Variants in SLC8A2 observed in about 807,000 individuals in gnomAD.
SLC8A2 encodes solute carrier family 8 member A2, also known as sodium/calcium exchanger 2.
A neutral mutation model predicts 70.2 loss-of-function variants in SLC8A2; 14 were observed. The observed-to-expected ratio is 0.20, with a 90% CI of 0.13 to 0.31. The LOEUF is 0.31. Ranked by LOEUF, SLC8A2 falls within the 10% of genes least tolerant of loss-of-function variation. SLC8A2 has a pLI of 1.00. For missense variants in SLC8A2, 779 were observed against 1,320.1 expected (o/e 0.59, Z 6.35); for synonymous variants, 575 against 594.3 (o/e 0.97, Z 0.47).
chr19:47,430,301 T>C lies in SLC8A2; in HGVS notation c.2554A>G (p.Thr852Ala). The change falls in exon 10 of 10, where the codon ACT becomes GCT. Residue 852 changes from threonine to alanine, a missense_variant. Thr to Ala is a moderately conservative substitution (Grantham distance 58). Coordinates refer to ENST00000236877, the MANE Select transcript of SLC8A2 (RefSeq NM_015063.3). This position sits in a 1 kb window ranked among gnomAD's most constrained non-coding sequence, Gnocchi z 5.9. ...AVQGRPFEVRTGTLAFSVTLF... is the reference protein window; with the variant it reads ...AVQGRPFEVRAGTLAFSVTLF... ...GTGACGGAGAAGGCCAGCGTGCCAG[T>C]GCGCACCTCGAAGGGGCGGCCCTGC... is the stretch of plus-strand genomic sequence containing the variant. The C allele has an allele frequency of 2.5e-6, 4 of 1,612,474 alleles. No homozygotes were observed. Among genetic ancestry groups the C allele is most frequent in the Non-Finnish European group, 2.5e-6 (3 of 1,179,350 alleles).
At position 47,468,106 on chromosome 19, in the gene SLC8A2, C is replaced by A. The variant is rs1401952792; in HGVS notation, c.-16-1687G>T. Among the ~76,000 whole-genome samples the A allele has an allele frequency of 6.6e-6, 1 of 152,036 alleles. No homozygotes were observed. Among genetic ancestry groups the A allele is most frequent in the East Asian group, 1.9e-4 (1 of 5,152 alleles). The stretch of plus-strand genomic sequence containing the variant: ...GCTCCCATCTCACTCACAGCACCAG[C>A]GTCCTCTCCAGGGCCCGTGAGGTCC... On this transcript the variant is annotated intron_variant, in intron 1 of 9. Coordinates refer to ENST00000236877, the MANE Select transcript of SLC8A2 (RefSeq NM_015063.3). This position sits in a 1 kb window ranked among gnomAD's most constrained non-coding sequence, Gnocchi z 5.1.
chr19:47,461,691 G>C (rs537614213), intron 2 of SLC8A2, among the ~76,000 whole-genome samples: 1 of 152,234 alleles, frequency 6.6e-6, no homozygotes, highest in African/African-American at 2.4e-5. Context: ...AATGTTCAGC[G>C]CAAGCTGTGA....
Position 47,430,233 on chromosome 19 carries a change from C to T in SLC8A2, c.2622G>A (p.Leu874=), listed in dbSNP as rs562585358. The T allele has an allele frequency of 6.2e-7, 1 of 1,610,892 alleles. No individual in the cohort carries two copies. ...CGCCGATGTGCGGCCGGCGCCGGTA[C>T]AGCAGCACGGCAATGCCCACGAAGG... ...VFAFVGIAVL[L]YRRRPHIGGE... Residue 874 remains leucine (L), a synonymous_variant, in exon 10 of 10, where the codon CTG becomes CTA. Transcript: ENST00000236877. This position sits in a 1 kb window ranked among gnomAD's most constrained non-coding sequence, Gnocchi z 5.9.
intron 2 of SLC8A2, among the ~76,000 whole-genome samples, chr19:47,460,734 C>T (rs189502587): frequency 3.6e-4 from 54 of 151,560 alleles, no homozygotes; most frequent in African/African-American, 1.0e-3. Flanking sequence ...AAAAGAACAT[C>T]GCCATCGTTA....
intron 4 of SLC8A2, among the ~76,000 whole-genome samples, chr19:47,443,906 C>T (rs1412328759): frequency 1.3e-5 from 2 of 152,022 alleles, no homozygotes; most frequent in Non-Finnish European, 2.9e-5. Context: ...TCTGCTCTCC[C>T]TTTTTTTGAA....
rs1014796877 is a variant in SLC8A2 at position 47,468,442 on chromosome 19, G to A, written c.-16-2023C>T. On this transcript the variant is annotated intron_variant, in intron 1 of 9. Coordinates refer to ENST00000236877, the MANE Select transcript of SLC8A2 (RefSeq NM_015063.3). The surrounding 1 kb of genome is among the most constrained non-coding windows in gnomAD (Gnocchi z 5.1). ...CTCCCAAGTAGCGGGAAGTACAGGC[G>A]TGCGCCACCATGCCCAGCTAATTTA... Among the ~76,000 whole-genome samples, 21 of 152,144 alleles carry A rather than the reference G, an allele frequency of 1.4e-4. No individual in the cohort carries two copies. Among genetic ancestry groups the A allele is most frequent in the Non-Finnish European group, 4.4e-5 (3 of 68,018 alleles).
chr19:47,430,333 C>G lies in SLC8A2; in HGVS notation c.2522G>C (p.Trp841Ser). ...CTCGAAGGGGCGGCCCTGCACCGCC[C>G]AGTACACGGCGGCCACAGACCAGGC... ...GVAWSVAAVY[W>S]AVQGRPFEVR... is the part of the protein sequence containing the mutation. Residue 841 changes from tryptophan to serine, a missense_variant, in exon 10 of 10, where the codon TGG (tryptophan) becomes TCG (serine). Physicochemically the swap from Trp to Ser is radical, Grantham distance 177. Transcript: ENST00000236877. The surrounding 1 kb of genome is among the most constrained non-coding windows in gnomAD (Gnocchi z 5.9). The G allele has an allele frequency of 6.2e-7, 1 of 1,612,312 alleles. No individual in the cohort carries two copies. The highest frequency in any genetic ancestry group is 2.2e-5 in the East Asian group (1 of 44,826).
At chr19:47,440,661 G>A (rs950733482) in intron 6 of SLC8A2, among the ~76,000 whole-genome samples, 2 of 151,886 alleles carry the variant, frequency 1.3e-5, no homozygotes, top group African/African-American at 4.8e-5. Flanking sequence ...GCGCGATCTC[G>A]GCTCACCGCA....
At chr19:47,445,599 C>G (rs1967151211) in intron 4 of SLC8A2, among the ~76,000 whole-genome samples, 1 of 152,188 alleles carries the variant, frequency 6.6e-6, no homozygotes. Flanking sequence ...CAAAGCGCCT[C>G]TAATTAGTGC....
chr19:47,430,189 CGCGGGCCGCCCA>C lies in SLC8A2; in HGVS notation c.2654_2665del (p.Leu885_Pro888del). ...CGCGGTGGTGGCGAGCTTGGGTCCG[CGCGGGCCGCCCA>C]GCTCGCCGCCGATGTGCGGCCGGCG... On this transcript the variant is annotated inframe_deletion, in exon 10 of 10. Transcript: ENST00000236877. The surrounding 1 kb of genome is among the most constrained non-coding windows in gnomAD (Gnocchi z 5.9). The C allele has an allele frequency of 6.2e-7, 1 of 1,601,124 alleles. No individual in the cohort carries two copies. Among genetic ancestry groups the C allele is most frequent in the East Asian group, 2.3e-5 (1 of 44,232 alleles).
chr19:47,428,937 A>G lies in SLC8A2; in HGVS notation c.*1152T>C, dbSNP rs1410755795. ...AACAGTAAGAAAATGCAGATGGCCTACCGACAGATGGAAGGCCTCCAAAGT... is the reference window on the plus strand; with the variant it reads ...AACAGTAAGAAAATGCAGATGGCCTGCCGACAGATGGAAGGCCTCCAAAGT... On this transcript the variant is annotated 3_prime_UTR_variant, in exon 10 of 10. Coordinates refer to ENST00000236877, the MANE Select transcript of SLC8A2 (RefSeq NM_015063.3). 1 of 152,454 alleles carries G rather than the reference A, an allele frequency of 6.6e-6. No homozygotes were observed. The highest frequency in any genetic ancestry group is 1.5e-5 in the Non-Finnish European group (1 of 68,022). The allele number at this position is 152,454 out of a possible 1,614,324, so 9.4% of individuals were successfully genotyped here. A position where few individuals can be genotyped will look rare whatever the true frequency, so the allele number is the denominator to read the frequency against.
chr19:47,434,546 G>C (rs830153), intron 8 of SLC8A2, among the ~76,000 whole-genome samples: 3 of 152,080 alleles, frequency 2.0e-5, no homozygotes, highest in Admixed American at 1.3e-4. Flanking sequence ...TGCTGTCAAC[G>C]GTCTCGGACA....
Position 47,466,271 on chromosome 19 carries a change from C to T in SLC8A2, c.133G>A (p.Gly45Arg), listed in dbSNP as rs1158838372. 6.4e-7 allele frequency: 1 copy of T among 1,567,426 alleles called. No individual in the cohort carries two copies. The highest frequency in any genetic ancestry group is 8.7e-7 in the Non-Finnish European group (1 of 1,154,670). ...ACCCCCGGCTGGCAGCGGTAGGACC[C>T]CTGGCAGCCCCCTGTGCTGGTGTCG... ...DSDTSTGGCQ[G>R]SYRCQPGVLL... The change falls in exon 2 of 10, where the codon GGG becomes AGG. Residue 45 changes from glycine to arginine, a missense_variant. Gly to Arg is a moderately radical substitution (Grantham distance 125). Around this residue, in one of 6 missense-constraint regions of SLC8A2, gnomAD observed 155 missense variants for 318.6 expected, o/e 0.49. Coordinates refer to ENST00000236877, the MANE Select transcript of SLC8A2 (RefSeq NM_015063.3). The surrounding 1 kb of genome is among the most constrained non-coding windows in gnomAD (Gnocchi z 6.9).
chr19:47,456,490 C>T (rs1044722683), intron 3 of SLC8A2, among the ~76,000 whole-genome samples: 5 of 152,152 alleles, frequency 3.3e-5, no homozygotes, highest in Non-Finnish European at 5.9e-5. Flanking sequence ...GTGGTGAAAC[C>T]CCATCTCTCT....
intron 2 of SLC8A2, 62 bp from the exon 3 acceptor site, chr19:47,457,656 G>C: frequency 8.5e-7 from 1 of 1,175,022 alleles, no homozygotes; most frequent in Non-Finnish European, 1.2e-6. Flanking sequence ...CCGCCTCTCT[G>C]TCTCAGTCTC....
intron 2 of SLC8A2, 24 bp from the exon 3 acceptor site, chr19:47,457,618 G>T: frequency 6.7e-7 from 1 of 1,487,756 alleles, no homozygotes; most frequent in East Asian, 2.5e-5. Flanking sequence ...GCGTCAGGGC[G>T]AGGCCGGGCG....
intron 2 of SLC8A2, among the ~76,000 whole-genome samples, chr19:47,459,360 C>A (rs1297977617): frequency 6.6e-6 from 1 of 152,094 alleles, no homozygotes; most frequent in Non-Finnish European, 1.5e-5. Flanking sequence ...CTTGTTGCCT[C>A]GGTCTCCTTG....
intron 3 of SLC8A2, among the ~76,000 whole-genome samples, chr19:47,455,129 A>G (rs761918070): frequency 7.2e-5 from 11 of 151,942 alleles, no homozygotes; most frequent in Non-Finnish European, 1.2e-4. Flanking sequence ...TAGAGGAGAG[A>G]GAGGAGAGAG....
intron 4 of SLC8A2, among the ~76,000 whole-genome samples, chr19:47,446,170 G>A (rs1967159636): frequency 6.6e-6 from 1 of 152,090 alleles, no homozygotes; most frequent in African/African-American, 2.4e-5. Flanking sequence ...GGAGCGCGGT[G>A]GGGACTCCGC....
Sources: gnomAD v4.1 joint callset for allele counts (sites outside exome capture counted in the v4.1 genomes callset) on GRCh38, gnomAD v4.1.1 for gene constraint, gnomAD v4.1.1 regional missense constraint, Gnocchi (gnomAD v3.1) non-coding constraint, MANE v1.5 for transcripts, NCBI Gene and HGNC (gene_info 2026-07-23, HGNC 2026-07-21) for gene names.